The following TMED4 variants were observed in gnomAD, a reference collection of about 807,000 sequenced individuals.
TMED4 encodes transmembrane emp24 domain-containing protein 4.
In TMED4, 19 loss-of-function variants were observed where a neutral mutation model predicts 26.5. That is an observed-to-expected ratio of 0.72 (90% confidence interval 0.50 to 1.05). TMED4 has a LOEUF of 1.05. TMED4 is among the 50% of genes least tolerant of loss of function. TMED4 has a pLI of 0.00. For missense variants in TMED4, 303 were observed against 302.5 expected (o/e 1.00, Z -0.01); for synonymous variants, 121 against 119.8 (o/e 1.01, Z -0.07).
rs1431772842 is a variant in TMED4, at chr7:44,582,201, T to G, written c.6A>C (p.Ala2=). Residue 2 remains alanine (A), a synonymous_variant, in exon 1 of 5, where the codon GCA becomes GCC. Coordinates refer to ENST00000457408, the MANE Select transcript of TMED4 (RefSeq NM_182547.4). The part of the protein sequence containing the change: M[A]GVGAGPLRAM... ...CCCGCAGAGGCCCAGCCCCGACACC[T>G]GCCATCGCGCCTCAGCCCCTAAGCG... 1.6e-5 allele frequency: 24 copies of G among 1,543,124 alleles called. No homozygotes were observed. Among genetic ancestry groups the G allele is most frequent in the South Asian group, 3.6e-5 (3 of 83,950 alleles).
Position 44,579,463 on chromosome 7 carries a change from T to C in TMED4, c.*16A>G. ...AAATAAATGAGGTAAAAAGGAAGGG[T>C]CATACAAAGAGGGCACTACACCAGC... On this transcript the variant is annotated 3_prime_UTR_variant, in exon 5 of 5. Coordinates refer to ENST00000457408, the MANE Select transcript of TMED4 (RefSeq NM_182547.4). 6.2e-7 allele frequency: 1 copy of C among 1,607,704 alleles called. No homozygotes were observed. The highest frequency in any genetic ancestry group is 1.1e-5 in the South Asian group (1 of 90,670).
chr7:44,581,313 T>C (rs1052134889), intron 3 of TMED4, 74 bp from the exon 4 acceptor site: 12 of 1,599,804 alleles, frequency 7.5e-6, no homozygotes, highest in Admixed American at 3.4e-5. Context: ...CCCACTATTG[T>C]CCCTGGCTGT....
At chr7:44,579,701 A>T in intron 4 of TMED4, 73 bp from the exon 5 acceptor site, 1 of 1,535,998 alleles carries the variant, frequency 6.5e-7, no homozygotes, top group African/African-American at 1.4e-5. Context: ...CCCTGCGTGT[A>T]ATTACTCAAC....
Position 44,579,071 on chromosome 7 carries a change from C to G in TMED4, c.*408G>C, listed in dbSNP as rs4724312. The G allele has an allele frequency of 0.066, 10,804 of 162,492 alleles. 650 individuals are homozygous for G. Among genetic ancestry groups the G allele is most frequent in the East Asian group, 0.25 (1,434 of 5,666 alleles). The allele number at this position is 162,492 out of a possible 1,614,324, so 10.1% of individuals were successfully genotyped here. A position where few individuals can be genotyped will look rare whatever the true frequency, so the allele number is the denominator to read the frequency against. ...TACATTCACAAAGCCATTAAGTGAA[C>G]CCAGAACTGACCAGCAGACAGTGAG... On this transcript the variant is annotated 3_prime_UTR_variant, in exon 5 of 5. Transcript: ENST00000457408.
Position 44,581,795 on chromosome 7 carries a change from C to T in TMED4, c.189G>A (p.Lys63=). The T allele has an allele frequency of 6.2e-7, 1 of 1,614,222 alleles. No individual in the cohort carries two copies. Among genetic ancestry groups the T allele is most frequent in the South Asian group, 1.1e-5 (1 of 91,092 alleles). ...TCGAGGGCAGGAAGACCTCCTTCTG[C>T]TTATCCCACATCTGGGTACGATAGT... ...IGNYRTQMWD[K]QKEVFLPSTP... The change falls in exon 2 of 5, where the codon AAG becomes AAA. Residue 63 remains lysine (K), a synonymous_variant. Transcript: ENST00000457408.
In TMED4 at chr7:44,582,222, A is replaced by C. The variant is rs1562592046; in HGVS notation, c.-16T>G. 1 of 1,534,186 alleles carries C rather than the reference A, an allele frequency of 6.5e-7. No individual in the cohort carries two copies. The highest frequency in any genetic ancestry group is 2.4e-5 in the East Asian group (1 of 40,838). On this transcript the variant is annotated 5_prime_UTR_variant, in exon 1 of 5. Transcript: ENST00000457408. ...CACCTGCCATCGCGCCTCAGCCCCT[A>C]AGCGCCTGCGCACATTTGCGCATCG...
At chr7:44,581,277 C>G in intron 3 of TMED4, 38 bp from the exon 4 acceptor site, 1 of 1,611,696 alleles carries the variant, frequency 6.2e-7, no homozygotes, top group Non-Finnish European at 8.5e-7. Context: ...GGTGGGGCCT[C>G]CAGTTGTCTG....
intron 1 of TMED4, 84 bp downstream of exon 1, chr7:44,581,963 C>G (rs1803016673): frequency 6.6e-7 from 1 of 1,523,852 alleles, no homozygotes; most frequent in South Asian, 1.2e-5. Context: ...GGGGAGCCAG[C>G]GACCCGGCTG....
At position 44,579,402 on chromosome 7, in the gene TMED4, A is replaced by C; in HGVS notation, c.*77T>G. The C allele has an allele frequency of 6.8e-7, 1 of 1,477,982 alleles. No individual in the cohort carries two copies. Among genetic ancestry groups the C allele is most frequent in the South Asian group, 1.3e-5 (1 of 75,842 alleles). The allele number at this position is 1,477,982 out of a possible 1,614,324, so 91.6% of individuals were successfully genotyped here. On this transcript the variant is annotated 3_prime_UTR_variant, in exon 5 of 5. Coordinates refer to ENST00000457408, the MANE Select transcript of TMED4 (RefSeq NM_182547.4). ...TTCTTTTTCATTTTTTTCCCTAAAA[A>C]TCCAGGTGGATAAAGGACTGTGTGG...
At chr7:44,580,922 T>C in intron 4 of TMED4, 171 bp downstream of exon 4, 3 of 713,382 alleles carry the variant, frequency 4.2e-6, no homozygotes, top group South Asian at 1.9e-5. Context: ...CACTCCAGCA[T>C]GGGCAACAAG....
chr7:44,581,293 G>T, intron 3 of TMED4, 54 bp from the exon 4 acceptor site: 1 of 1,607,406 alleles, frequency 6.2e-7, no homozygotes, highest in Non-Finnish European at 8.5e-7. Context: ...GTCTGTTCCA[G>T]GGTATGGAAC....
intron 2 of TMED4, 61 bp from the exon 3 acceptor site, chr7:44,581,635 C>G (rs1412735758): frequency 6.2e-7 from 1 of 1,613,866 alleles, no homozygotes; most frequent in Non-Finnish European, 8.5e-7. Context: ...GTGCAAGTTC[C>G]TGTCCCTTGA....
rs1421599685 is a variant in TMED4, at chr7:44,578,518, G to A, written c.*961C>T. ...CCAAAAGAACTCTGCTTGGCCCTCT[G>A]ATACGGCCTTGAGGTCAGCCCTGGT... On this transcript the variant is annotated 3_prime_UTR_variant, in exon 5 of 5. Coordinates refer to ENST00000457408, the MANE Select transcript of TMED4 (RefSeq NM_182547.4). 6.6e-6 allele frequency: 1 copy of A among 152,168 alleles called. No individual in the cohort carries two copies. The highest frequency in any genetic ancestry group is 2.1e-4 in the South Asian group (1 of 4,828). The allele number at this position is 152,168 out of a possible 1,614,324, so 9.4% of individuals were successfully genotyped here.
rs780429628 is a variant in TMED4 at position 44,581,212 on chromosome 7, C to G, written c.415G>C (p.Glu139Gln). 9.3e-6 allele frequency: 15 copies of G among 1,613,966 alleles called. No homozygotes were observed. The highest frequency in any genetic ancestry group is 1.3e-5 in the Non-Finnish European group (15 of 1,180,034). The change falls in exon 4 of 5, where the codon GAG becomes CAG. Residue 139 changes from glutamate (E) to glutamine (Q), a missense_variant. Glu to Gln is a conservative substitution (Grantham distance 29). Transcript: ENST00000457408. ...ATCTCAGGGTAGTTGTTGGCATGCT[C>G]CCCAACCTGGATGTCGAGATGCACC... ...LRVHLDIQVG[E>Q]HANNYPEIAA...
chr7:44,579,711 C>T (rs1244278874), intron 4 of TMED4, 83 bp from the exon 5 acceptor site: 3 of 1,452,072 alleles, frequency 2.1e-6, no homozygotes, highest in African/African-American at 1.4e-5. Flanking sequence ...AATTACTCAA[C>T]TCCAGGACCA....
chr7:44,579,766 G>T (rs1802922072), intron 4 of TMED4, 138 bp from the exon 5 acceptor site: 2 of 834,764 alleles, frequency 2.4e-6, no homozygotes, highest in Non-Finnish European at 3.6e-6. Context: ...GGAGTGCTAT[G>T]GTCTCCCCAC....
chr7:44,579,522 A>T lies in TMED4; in HGVS notation c.641T>A (p.Met214Lys). ...VILILTGIWQ[M>K]RHLKSFFEAK... ...CTCAAAGAAGCTCTTGAGGTGACGC[A>T]TCTGCCAGATGCCAGTGAGGATGAG... The change falls in exon 5 of 5, where the codon ATG (methionine) becomes AAG (lysine). Residue 214 changes from methionine to lysine, a missense_variant. Met to Lys is a moderately conservative substitution (Grantham distance 95). Transcript: ENST00000457408. The T allele has an allele frequency of 6.2e-7, 1 of 1,614,198 alleles. No homozygotes were observed. The highest frequency in any genetic ancestry group is 8.5e-7 in the Non-Finnish European group (1 of 1,180,032).
chr7:44,580,745 G>A (rs964681254), intron 4 of TMED4: 33 of 183,138 alleles, frequency 1.8e-4, no homozygotes, highest in African/African-American at 7.2e-4. Context: ...TCGGGAGTTC[G>A]AGACCAGCCT....
intron 4 of TMED4, 66 bp downstream of exon 4, chr7:44,581,027 C>A (rs1190740922): frequency 6.4e-7 from 1 of 1,563,200 alleles, no homozygotes; most frequent in Non-Finnish European, 8.8e-7. Flanking sequence ...CAAGCAGAAA[C>A]TTGAGTAGGT....
Sources: gnomAD v4.1 joint callset for allele counts on GRCh38, gnomAD v4.1.1 for gene constraint, MANE v1.5 for transcripts, NCBI Gene and HGNC (gene_info 2026-07-23, HGNC 2026-07-21) for gene names.